The following DOK6 variants were observed in gnomAD, a reference collection of about 807,000 sequenced individuals.
DOK6 encodes the protein docking protein 6.
A neutral mutation model predicts 44.0 loss-of-function variants in DOK6; 22 were observed. The ratio of observed to expected loss-of-function variants is 0.50; its 90% CI spans 0.36 to 0.71. DOK6 has a LOEUF of 0.71. Ranked by LOEUF, DOK6 falls within the 30% of genes least tolerant of loss-of-function variation. The pLI is 0.00. For missense variants in DOK6, 340 were observed against 416.4 expected (o/e 0.82, Z 1.60); for synonymous variants, 166 against 145.5 (o/e 1.14, Z -1.01).
At chr18:69,802,292 C>T (rs1599333310) in intron 7 of DOK6, among the ~76,000 whole-genome samples, 1 of 152,096 alleles carries the variant, frequency 6.6e-6, no homozygotes, top group East Asian at 1.9e-4. Flanking sequence ...GATTTTTCAA[C>T]TTCATGATGG....
At position 69,653,225 on chromosome 18, in the gene DOK6, A is replaced by G. The variant is rs75149365; in HGVS notation, c.290-24509A>G. ...GCGTTTGCCAATTCGTAAGTAACAC[A>G]GGCTGCAAGCCCACCCAGAAAGAAG... On this transcript the variant is annotated intron_variant, in intron 3 of 7. Transcript: ENST00000382713. 3.5e-3 allele frequency among the ~76,000 whole-genome samples: 539 copies of G among 152,236 alleles called. 1 individual carries two copies. Among genetic ancestry groups the G allele is most frequent in the Non-Finnish European group, 5.7e-3 (391 of 68,006 alleles).
intron 1 of DOK6, among the ~76,000 whole-genome samples, chr18:69,471,914 T>G (rs188067023): frequency 6.6e-6 from 1 of 152,322 alleles, no homozygotes; most frequent in Admixed American, 6.5e-5. Flanking sequence ...TTTCAAGCAA[T>G]CTGGTTTCTT....
intron 1 of DOK6, among the ~76,000 whole-genome samples, chr18:69,510,872 C>T (rs1405874629): frequency 1.3e-5 from 2 of 151,854 alleles, no homozygotes; most frequent in Admixed American, 1.3e-4. Context: ...CTTTGATCTC[C>T]CCTCCCCTTT....
chr18:69,617,283 G>A (rs1408400225), intron 3 of DOK6, among the ~76,000 whole-genome samples: 1 of 151,292 alleles, frequency 6.6e-6, no homozygotes, highest in East Asian at 1.9e-4. Flanking sequence ...TTGTACCACT[G>A]CACTCCAGCC....
intron 7 of DOK6, among the ~76,000 whole-genome samples, chr18:69,767,253 G>A (rs940406626): frequency 1.6e-4 from 25 of 152,050 alleles, no homozygotes; most frequent in African/African-American, 5.3e-4. Context: ...AAAAAATCTA[G>A]CTTTAATAAA....
chr18:69,476,738 G>A (rs1340480165), intron 1 of DOK6, among the ~76,000 whole-genome samples: 1 of 152,200 alleles, frequency 6.6e-6, no homozygotes, highest in African/African-American at 2.4e-5. Context: ...GGCCGACTGC[G>A]GCCTGCAGAG....
At chr18:69,652,522 G>T (rs2144664044) in intron 3 of DOK6, among the ~76,000 whole-genome samples, 1 of 152,254 alleles carries the variant, frequency 6.6e-6, no homozygotes, top group Non-Finnish European at 1.5e-5. Flanking sequence ...AGTTTATTAG[G>T]ATTCACAAAC....
chr18:69,481,436 A>C (rs942994134), intron 1 of DOK6, among the ~76,000 whole-genome samples: 1 of 151,062 alleles, frequency 6.6e-6, no homozygotes, highest in Admixed American at 6.6e-5. Flanking sequence ...AAGTGTTCTC[A>C]TTGTTCAATT....
At chr18:69,786,153 A>T (rs955293350) in intron 7 of DOK6, among the ~76,000 whole-genome samples, 3 of 152,210 alleles carry the variant, frequency 2.0e-5, no homozygotes, top group Non-Finnish European at 2.9e-5. Context: ...TGAAAAAATA[A>T]ATCAAAACTT....
chr18:69,518,674 T>C (rs559551944), intron 1 of DOK6, among the ~76,000 whole-genome samples: 1 of 152,244 alleles, frequency 6.6e-6, no homozygotes, highest in South Asian at 2.1e-4. Context: ...AATCTTTTCA[T>C]GGCATTATTT....
At chr18:69,587,195 T>C (rs545799070) in intron 2 of DOK6, among the ~76,000 whole-genome samples, 2 of 152,232 alleles carry the variant, frequency 1.3e-5, no homozygotes, top group East Asian at 3.9e-4. Flanking sequence ...AACACAGAAA[T>C]TTATTCTCTT....
intron 5 of DOK6, among the ~76,000 whole-genome samples, chr18:69,715,482 T>G (rs1183555212): frequency 6.6e-6 from 1 of 152,166 alleles, no homozygotes; most frequent in African/African-American, 2.4e-5. Flanking sequence ...TCTGGCAACT[T>G]TTCAGACTGT....
intron 1 of DOK6, among the ~76,000 whole-genome samples, chr18:69,497,635 C>A (rs1980929531): frequency 6.6e-6 from 1 of 152,110 alleles, no homozygotes; most frequent in Admixed American, 6.5e-5. Context: ...GGGCCTAACA[C>A]CTATTGGAAA....
chr18:69,706,525 T>TAA (rs1339384057), intron 5 of DOK6, among the ~76,000 whole-genome samples: 5 of 151,536 alleles, frequency 3.3e-5, no homozygotes, highest in South Asian at 4.2e-4. Flanking sequence ...TTTTTTTTTT[T>TAA]AATTTTATTA....
At chr18:69,633,867 G>A (rs756206099) in intron 3 of DOK6, among the ~76,000 whole-genome samples, 4 of 152,096 alleles carry the variant, frequency 2.6e-5, no homozygotes, top group African/African-American at 4.8e-5. Context: ...ACTAAGTACC[G>A]AGTAAGGGAA....
chr18:69,821,716 A>T (rs1237643579), intron 7 of DOK6, among the ~76,000 whole-genome samples: 1 of 151,468 alleles, frequency 6.6e-6, no homozygotes, highest in Admixed American at 6.6e-5. Flanking sequence ...TCCTAAAATA[A>T]TTTTTCCCCT....
intron 7 of DOK6, among the ~76,000 whole-genome samples, chr18:69,772,120 T>C (rs1979904940): frequency 6.6e-6 from 1 of 151,730 alleles, no homozygotes; most frequent in Non-Finnish European, 1.5e-5. Context: ...CAATGAGCTA[T>C]GATTGTGCCA....
At chr18:69,694,778 G>C (rs1490564736) in intron 4 of DOK6, among the ~76,000 whole-genome samples, 2 of 152,084 alleles carry the variant, frequency 1.3e-5, no homozygotes, top group Non-Finnish European at 2.9e-5. Context: ...TAAACAATTA[G>C]TTTCCTTTTC....
chr18:69,401,583 G>A (rs369720344), intron 1 of DOK6, among the ~76,000 whole-genome samples: 59 of 152,248 alleles, frequency 3.9e-4, no homozygotes, highest in African/African-American at 1.4e-3. Flanking sequence ...TAGACGAAAG[G>A]GGTTGTCAGT....
Sources: allele counts gnomAD v4.1 joint callset (sites outside exome capture counted in the v4.1 genomes callset), GRCh38; gene constraint gnomAD v4.1.1; transcripts MANE v1.5; gene names NCBI Gene and HGNC (gene_info 2026-07-23, HGNC 2026-07-21).